The following CLMN variants were observed in gnomAD, a reference collection of about 807,000 sequenced individuals.
CLMN encodes calmin.
A neutral mutation model predicts 92.7 loss-of-function variants in CLMN; 57 were observed. The ratio of observed to expected loss-of-function variants is 0.61; its 90% confidence interval spans 0.50 to 0.77. The LOEUF (loss-of-function observed/expected upper bound fraction) is 0.77, where lower values mean the gene tolerates loss of function less well. Among genes scored for constraint, CLMN ranks in the 30% least tolerant of loss-of-function variants. The pLI is 0.00. For synonymous variants in CLMN, 466 were observed against 470.6 expected (o/e 0.99, Z 0.13); for missense variants, 1,158 against 1,237.5 (o/e 0.94, Z 0.96).
chr14:95,308,621 G>A (rs1177436375), intron 1 of CLMN, among the ~76,000 whole-genome samples: 2 of 152,030 alleles, frequency 1.3e-5, no homozygotes, highest in African/African-American at 4.8e-5. Flanking sequence ...GTCCTGCACT[G>A]TGGTCACCTC....
intron 10 of CLMN, 31 bp downstream of exon 10, chr14:95,196,467 C>T (rs1460150071): frequency 6.3e-7 from 1 of 1,591,814 alleles, no homozygotes; most frequent in Non-Finnish European, 8.5e-7. Context: ...TCTGGCTCCA[C>T]CTTACGGGTG....
intron 1 of CLMN, among the ~76,000 whole-genome samples, chr14:95,314,737 G>A (rs1901688461): frequency 6.6e-6 from 1 of 152,216 alleles, no homozygotes; most frequent in African/African-American, 2.4e-5. Flanking sequence ...GGATGGAGCT[G>A]GCACTAGAAC....
chr14:95,207,623 CACACATTCAATAGAT>C (rs1282996822), intron 8 of CLMN, among the ~76,000 whole-genome samples: 8 of 152,304 alleles, frequency 5.3e-5, no homozygotes, highest in Non-Finnish European at 1.0e-4. Flanking sequence ...TTACAGGTGA[CACACATTCAATAGAT>C]ACACATTCAA....
At chr14:95,284,197 T>TGCA (rs1900251542) in intron 1 of CLMN, among the ~76,000 whole-genome samples, 1 of 152,214 alleles carries the variant, frequency 6.6e-6, no homozygotes, top group African/African-American at 2.4e-5. Flanking sequence ...GTGTTGAGTC[T>TGCA]GCAGGTGCAC....
intron 1 of CLMN, among the ~76,000 whole-genome samples, chr14:95,314,799 C>A (rs185425279): frequency 6.6e-6 from 1 of 152,294 alleles, no homozygotes; most frequent in African/African-American, 2.4e-5. Context: ...CGTGGCCTGA[C>A]CCCAGCCACA....
chr14:95,259,369 C>G lies in CLMN; in HGVS notation c.83-29236G>C, dbSNP rs942771500. Among the ~76,000 whole-genome samples the G allele has an allele frequency of 6.6e-6, 1 of 152,080 alleles. No individual in the cohort carries two copies. The highest frequency in any genetic ancestry group is 2.1e-4 in the South Asian group (1 of 4,834). On this transcript the variant is annotated intron_variant, in intron 1 of 12. Transcript: ENST00000298912. The surrounding 1 kb of genome is among the most constrained non-coding windows in gnomAD (Gnocchi z 4.3). Reference sequence around the variant, plus strand: ...GTCCACTGGCTCCCCACTCACCAGGCCTGACCTTGGGCACCAGAACGGAGA... The same window carrying G: ...GTCCACTGGCTCCCCACTCACCAGGGCTGACCTTGGGCACCAGAACGGAGA...
chr14:95,225,296 T>A (rs1232276543), intron 2 of CLMN, among the ~76,000 whole-genome samples: 1 of 152,176 alleles, frequency 6.6e-6, no homozygotes, highest in Admixed American at 6.5e-5. Flanking sequence ...GGCTCTACCT[T>A]GATAGCAACT....
chr14:95,193,513 G>T, intron 12 of CLMN: 2 of 800,130 alleles, frequency 2.5e-6, no homozygotes, highest in Non-Finnish European at 3.9e-6. Flanking sequence ...CTGCCTGGCC[G>T]TCCCTTTGCT....
chr14:95,248,943 T>C (rs981648926), intron 1 of CLMN, among the ~76,000 whole-genome samples: 3 of 152,256 alleles, frequency 2.0e-5, no homozygotes, highest in African/African-American at 7.2e-5. Flanking sequence ...TCTGATCTTC[T>C]GTCTTCAACA....
At chr14:95,263,294 T>A (rs780038480) in intron 1 of CLMN, among the ~76,000 whole-genome samples, 1 of 152,150 alleles carries the variant, frequency 6.6e-6, no homozygotes, top group Non-Finnish European at 1.5e-5. Flanking sequence ...TCAGATCTCA[T>A]GATAACTCTC....
chr14:95,255,050 T>C (rs1898939424), intron 1 of CLMN, among the ~76,000 whole-genome samples: 1 of 152,094 alleles, frequency 6.6e-6, no homozygotes, highest in Admixed American at 6.6e-5. Context: ...CCTGACAGTG[T>C]TCTTATAAGA....
rs531860360 is a variant in CLMN at position 95,184,286 on chromosome 14, C to T, written c.*7278G>A. 6.6e-6 allele frequency: 1 copy of T among 152,148 alleles called. No homozygotes were observed. Among genetic ancestry groups the T allele is most frequent in the South Asian group, 2.1e-4 (1 of 4,810 alleles). 9.4% of individuals were successfully genotyped at this position (152,148 alleles called of 1,614,324 possible). A position where few individuals can be genotyped will look rare whatever the true frequency, so the allele number is the denominator to read the frequency against. On this transcript the variant is annotated 3_prime_UTR_variant, in exon 13 of 13. Coordinates refer to ENST00000298912, the MANE Select transcript of CLMN (RefSeq NM_024734.4). ...CCCAAACCTGACTTCTTTCTCTAGC[C>T]CACAATACCTCCCAGAGAAGAAGGC...
In CLMN at chr14:95,319,803, CG is replaced by C. The variant is rs894457243; in HGVS notation, c.-12del. Reference sequence around the variant, plus strand: ...CTCGTGTGCAGCCATGAAGCGCGGGCGGGAGAGCCCGGGCCAGCGCGGCGCG... The same window carrying C: ...CTCGTGTGCAGCCATGAAGCGCGGGCGGAGAGCCCGGGCCAGCGCGGCGCG... On this transcript the variant is annotated 5_prime_UTR_variant, in exon 1 of 13. Coordinates refer to ENST00000298912, the MANE Select transcript of CLMN (RefSeq NM_024734.4). 2 of 1,493,218 alleles carry C rather than the reference CG, an allele frequency of 1.3e-6. No homozygotes were observed. The highest frequency in any genetic ancestry group is 3.0e-5 in the African/African-American group (2 of 67,512). The allele number at this position is 1,493,218 out of a possible 1,614,324, so 92.5% of individuals were successfully genotyped here.
At chr14:95,258,696 G>A (rs1792161829) in intron 1 of CLMN, among the ~76,000 whole-genome samples, 3 of 146,988 alleles carry the variant, frequency 2.0e-5, no homozygotes, top group African/African-American at 7.6e-5. Flanking sequence ...GTGTGTGGTT[G>A]TGTGTGGAGG....
chr14:95,290,469 C>T (rs1230335071), intron 1 of CLMN, among the ~76,000 whole-genome samples: 1 of 152,148 alleles, frequency 6.6e-6, no homozygotes, highest in Non-Finnish European at 1.5e-5. Context: ...ATCCAGAAGA[C>T]AGAAGAGAAG....
chr14:95,319,634 G>A, intron 1 of CLMN, 77 bp downstream of exon 1: 3 of 1,185,094 alleles, frequency 2.5e-6, no homozygotes, highest in Non-Finnish European at 3.6e-6. Context: ...CGGCGCGGGG[G>A]AGTTGCCAAG....
chr14:95,278,613 TACCTG>T (rs1024666038), intron 1 of CLMN, among the ~76,000 whole-genome samples: 1 of 152,220 alleles, frequency 6.6e-6, no homozygotes, highest in African/African-American at 2.4e-5. Flanking sequence ...TACACTGTGT[TACCTG>T]ACCTTTTTTA....
At chr14:95,195,809 TGA>T (rs35838154) in intron 10 of CLMN, among the ~76,000 whole-genome samples, 101,401 of 138,646 alleles carry the variant, frequency 0.73, 34,066 homozygotes, top group Middle Eastern at 0.84. Context: ...ATTGTGACGA[TGA>T]GAGAGGGGAG....
At chr14:95,230,951 C>T (rs557800442) in intron 1 of CLMN, among the ~76,000 whole-genome samples, 99 of 152,344 alleles carry the variant, frequency 6.5e-4, no homozygotes, top group Non-Finnish European at 1.0e-3. Context: ...CCCAAAGAGG[C>T]TTCTTAGCAA....
Sources: allele counts gnomAD v4.1 joint callset (sites outside exome capture counted in the v4.1 genomes callset), GRCh38; gene constraint gnomAD v4.1.1; non-coding constraint Gnocchi (gnomAD v3.1); transcripts MANE v1.5; gene names NCBI Gene and HGNC (gene_info 2026-07-23, HGNC 2026-07-21).